AGAP1: variants seen among roughly 807,000 people sequenced by gnomAD.
AGAP1 encodes ArfGAP with GTPase domain, ankyrin repeat and PH domain 1.
In AGAP1, 29 loss-of-function variants were observed where a neutral mutation model predicts 105.3. The observed-to-expected ratio is 0.28, with a 90% CI of 0.21 to 0.38. The LOEUF is 0.38. Among genes scored for constraint, AGAP1 ranks in the 10% least tolerant of loss-of-function variants. The pLI is 1.00. For synonymous variants in AGAP1, 509 were observed against 485.9 expected, an observed-to-expected ratio of 1.05 and a Z score of -0.63; for missense variants, 998 against 1,165.1, an observed-to-expected ratio of 0.86 and a Z score of 2.09.
rs2057385095 is a variant in AGAP1, at chr2:236,036,460, C to T, written c.1646-101C>T. 3.4e-6 allele frequency: 5 copies of T among 1,476,096 alleles called. No individual in the cohort carries two copies. In the South Asian group the frequency reaches 3.9e-5, roughly 11 times the overall value. The allele number at this position is 1,476,096 out of a possible 1,614,324, so 91.4% of individuals were successfully genotyped here. ...GTGCCGTGCGCCTCACCGGTCCATG[C>T]AGGGGCAGCTGAACCCAGAGGCGCT... On this transcript the variant is annotated intron_variant, in intron 13 of 17. Coordinates refer to ENST00000304032, the MANE Select transcript of AGAP1 (RefSeq NM_001037131.3). The surrounding 1 kb of genome is among the most constrained non-coding windows in gnomAD (Gnocchi z 5.7).
At chr2:235,673,639 A>G (rs982330322) in intron 1 of AGAP1, among the ~76,000 whole-genome samples, 3 of 152,252 alleles carry the variant, frequency 2.0e-5, no homozygotes, top group Admixed American at 6.5e-5. Context: ...TATGAAAAGA[A>G]GTTCCATTCT....
rs971230338 is a variant in AGAP1, at chr2:235,830,182, T to G, written c.1050+22851T>G. Among the ~76,000 whole-genome samples the G allele has an allele frequency of 1.3e-5, 2 of 152,070 alleles. No individual in the cohort carries two copies. Among genetic ancestry groups the G allele is most frequent in the Non-Finnish European group, 2.9e-5 (2 of 67,998 alleles). On this transcript the variant is annotated intron_variant, in intron 9 of 17. Transcript: ENST00000304032. The surrounding 1 kb of genome is among the most constrained non-coding windows in gnomAD (Gnocchi z 5.5). ...CCGAGACTGGGAGGCCCAGAAAAGATGCAGACAAGGTAGGAGTCGGCTCTG... is the reference window on the plus strand; with the variant it reads ...CCGAGACTGGGAGGCCCAGAAAAGAGGCAGACAAGGTAGGAGTCGGCTCTG...
chr2:236,030,256 C>A (rs896603596), intron 13 of AGAP1, among the ~76,000 whole-genome samples: 3 of 152,150 alleles, frequency 2.0e-5, no homozygotes, highest in Admixed American at 6.5e-5. Flanking sequence ...CTTAGGTGAC[C>A]CACCAGCCTC....
chr2:235,566,610 G>A lies in AGAP1; in HGVS notation c.163+71761G>A, dbSNP rs1318070722. 2.0e-6 allele frequency: 2 copies of A among 984,798 alleles called. No homozygotes were observed. Among genetic ancestry groups the A allele is most frequent in the African/African-American group, 3.5e-5 (2 of 57,206 alleles). 61.0% of individuals were successfully genotyped at this position (984,798 alleles called of 1,614,324 possible). ...CTGTGAGTGGGCAGGTCTGTCTCCTGCCTCTCTTATTTATGTTGTATGCCT... is the reference window on the plus strand; with the variant it reads ...CTGTGAGTGGGCAGGTCTGTCTCCTACCTCTCTTATTTATGTTGTATGCCT... On this transcript the variant is annotated intron_variant, in intron 1 of 17. Transcript: ENST00000304032. This position sits in a 1 kb window ranked among gnomAD's most constrained non-coding sequence, Gnocchi z 5.2.
chr2:235,890,984 G>C (rs947138671), intron 10 of AGAP1, among the ~76,000 whole-genome samples: 7 of 145,220 alleles, frequency 4.8e-5, no homozygotes, highest in South Asian at 2.4e-4. Context: ...TCTTTCTCAA[G>C]ATGCTATTAT....
At chr2:236,085,976 C>T (rs115097540) in intron 16 of AGAP1, among the ~76,000 whole-genome samples, 198 of 152,386 alleles carry the variant, frequency 1.3e-3, no homozygotes, top group African/African-American at 4.4e-3. Context: ...CGTCATTTCT[C>T]TGCTGTTATC....
chr2:235,737,395 G>A lies in AGAP1; in HGVS notation c.311-3568G>A, dbSNP rs948460984. The stretch of plus-strand genomic sequence containing the variant: ...GGAATGTAAACTGACTTTAGGATTC[G>A]AAGAGACCTTGCTGATGAGAGAAGG... On this transcript the variant is annotated intron_variant, in intron 3 of 17. Transcript: ENST00000304032. The surrounding 1 kb of genome is among the most constrained non-coding windows in gnomAD (Gnocchi z 4.5). Among the ~76,000 whole-genome samples, 50 of 152,302 alleles carry A rather than the reference G, an allele frequency of 3.3e-4. No homozygotes were observed. The highest frequency in any genetic ancestry group is 4.1e-4 in the South Asian group (2 of 4,822).
At chr2:235,987,698 T>C (rs1466545808) in intron 13 of AGAP1, among the ~76,000 whole-genome samples, 1 of 152,330 alleles carries the variant, frequency 6.6e-6, no homozygotes, top group Non-Finnish European at 1.5e-5. Context: ...GAGATTCTGG[T>C]AAGTTATCTC....
chr2:236,078,741 C>T lies in AGAP1; in HGVS notation c.2114+29460C>T, dbSNP rs1007588369. 9.2e-5 allele frequency among the ~76,000 whole-genome samples: 14 copies of T among 152,170 alleles called. No homozygotes were observed. The highest frequency in any genetic ancestry group is 1.3e-4 in the Non-Finnish European group (9 of 68,034). The stretch of plus-strand genomic sequence containing the variant: ...ATGGGACCATGGGACCCAAGTCCAC[C>T]CTCTGGCCCCTTCTCCCTGTAGGAT... On this transcript the variant is annotated intron_variant, in intron 16 of 17. Transcript: ENST00000304032. The surrounding 1 kb of genome is among the most constrained non-coding windows in gnomAD (Gnocchi z 5.3).
intron 1 of AGAP1, among the ~76,000 whole-genome samples, chr2:235,627,427 G>C (rs1210889501): frequency 6.6e-6 from 1 of 152,098 alleles, no homozygotes; most frequent in Non-Finnish European, 1.5e-5. Flanking sequence ...ATTTCGTCAT[G>C]TTGGCCCTGC....
In AGAP1 at chr2:236,104,145, G is replaced by A. The variant is rs955048277; in HGVS notation, c.2115-16047G>A. Among the ~76,000 whole-genome samples, 1 of 152,092 alleles carries A rather than the reference G, an allele frequency of 6.6e-6. No homozygotes were observed. Among genetic ancestry groups the A allele is most frequent in the African/African-American group, 2.4e-5 (1 of 41,318 alleles). ...TGGGTCTGCCCCAGGAGCCCCGCAA[G>A]GCGGGAGGCCTGTGTAAAGGCCTGC... is the stretch of plus-strand genomic sequence containing the variant. On this transcript the variant is annotated intron_variant, in intron 16 of 17. Transcript: ENST00000304032. This position sits in a 1 kb window ranked among gnomAD's most constrained non-coding sequence, Gnocchi z 4.7.
rs2057735324 is a variant in AGAP1, at chr2:236,046,917, G to A, written c.1892-2142G>A. On this transcript the variant is annotated intron_variant, in intron 15 of 17. Transcript: ENST00000304032. This position sits in a 1 kb window ranked among gnomAD's most constrained non-coding sequence, Gnocchi z 5.2. ...GGAGGCCCAGGCAGGAGGATTGCTTGAGCCCAGTGGTTGAAGCCTGGGCAA... is the reference window on the plus strand; with the variant it reads ...GGAGGCCCAGGCAGGAGGATTGCTTAAGCCCAGTGGTTGAAGCCTGGGCAA... Among the ~76,000 whole-genome samples the A allele has an allele frequency of 6.6e-6, 1 of 152,162 alleles. No individual in the cohort carries two copies. Among genetic ancestry groups the A allele is most frequent in the Admixed American group, 6.5e-5 (1 of 15,288 alleles).
rs1424316332 is a variant in AGAP1 at position 236,049,261 on chromosome 2, A to G, written c.2094A>G (p.Lys698=). The change falls in exon 16 of 18, where the codon AAA becomes AAG. Residue 698 remains lysine (K), a synonymous_variant. Transcript: ENST00000304032. ...AAGAGAGCAGCCAGGGGCGGACGAA[A>G]CCATCGGTAGACTCCACAAGGTAGG... ...VWEESSQGRT[K]PSVDSTREEK... is the part of the protein sequence containing the mutation. 3.7e-6 allele frequency: 6 copies of G among 1,614,036 alleles called. No homozygotes were observed. The highest frequency in any genetic ancestry group is 5.1e-6 in the Non-Finnish European group (6 of 1,180,010).
In AGAP1 at chr2:235,600,081, C is replaced by CG. The variant is rs1945678593; in HGVS notation, c.163+105232_163+105233insG. Among the ~76,000 whole-genome samples, 1 of 152,192 alleles carries CG rather than the reference C, an allele frequency of 6.6e-6. No homozygotes were observed. The highest frequency in any genetic ancestry group is 2.4e-5 in the African/African-American group (1 of 41,450). ...TAAACAGCCTCCAGGGAGCCCCTCT[C>CG]TCCATCCCAGCCTTTCTTCCTCTCT... On this transcript the variant is annotated intron_variant, in intron 1 of 17. Transcript: ENST00000304032. This position sits in a 1 kb window ranked among gnomAD's most constrained non-coding sequence, Gnocchi z 4.8.
intron 1 of AGAP1, among the ~76,000 whole-genome samples, chr2:235,648,358 G>T (rs1321508943): frequency 6.6e-6 from 1 of 152,118 alleles, no homozygotes; most frequent in East Asian, 1.9e-4. Context: ...CTCCAGTGTT[G>T]CATTCTCCCT....
intron 1 of AGAP1, among the ~76,000 whole-genome samples, chr2:235,595,150 C>T (rs55802551): frequency 0.29 from 44,763 of 151,774 alleles, 7,404 homozygotes; most frequent in African/African-American, 0.45. Flanking sequence ...TTGACTCAGA[C>T]GGCTTGGGAG....
chr2:235,496,927 A>T (rs1291004821), intron 1 of AGAP1, among the ~76,000 whole-genome samples: 1 of 152,060 alleles, frequency 6.6e-6, no homozygotes, highest in African/African-American at 2.4e-5. Flanking sequence ...TGATGCTGTT[A>T]TTTTTCTCTT....
intron 16 of AGAP1, among the ~76,000 whole-genome samples, chr2:236,093,912 A>T (rs549950864): frequency 3.3e-5 from 5 of 152,318 alleles, no homozygotes; most frequent in Admixed American, 3.3e-4. Context: ...TCTGAGAAAC[A>T]TATAAAAACA....
rs1023968414 is a variant in AGAP1, at chr2:235,967,172, G to A, written c.1484-1290G>A. Among the ~76,000 whole-genome samples the A allele has an allele frequency of 6.6e-6, 1 of 151,912 alleles. No homozygotes were observed. The highest frequency in any genetic ancestry group is 2.1e-4 in the South Asian group (1 of 4,816). On this transcript the variant is annotated intron_variant, in intron 12 of 17. Coordinates refer to ENST00000304032, the MANE Select transcript of AGAP1 (RefSeq NM_001037131.3). This position sits in a 1 kb window ranked among gnomAD's most constrained non-coding sequence, Gnocchi z 4.7. ...CCACCGCCACTCGGGCCCCCTCTCCGTTTCTGGAACACACCAGGCTCCCTC... is the reference window on the plus strand; with the variant it reads ...CCACCGCCACTCGGGCCCCCTCTCCATTTCTGGAACACACCAGGCTCCCTC...
Sources: allele counts gnomAD v4.1 joint callset (sites outside exome capture counted in the v4.1 genomes callset), GRCh38; gene constraint gnomAD v4.1.1; non-coding constraint Gnocchi (gnomAD v3.1); transcripts MANE v1.5; gene names NCBI Gene and HGNC (gene_info 2026-07-23, HGNC 2026-07-21).